CDH18: variants seen among roughly 807,000 people sequenced by gnomAD.
The protein encoded by CDH18 is cadherin-18.
A neutral mutation model predicts 67.9 loss-of-function variants in CDH18; 31 were observed. That is an observed-to-expected ratio of 0.46 (90% CI 0.34 to 0.62). CDH18 has a LOEUF of 0.62. CDH18 is among the 20% of genes least tolerant of loss of function. The pLI, the probability that CDH18 is intolerant of heterozygous loss-of-function variation, is 0.01. For synonymous variants in CDH18, 362 were observed against 347.2 expected, an observed-to-expected ratio of 1.04 and a Z score of -0.48; for missense variants, 890 against 975.5, an observed-to-expected ratio of 0.91 and a Z score of 1.17.
At chr5:19,938,926 A>C in intron 2 of CDH18, among the ~76,000 whole-genome samples, 1 of 151,320 alleles carries the variant, frequency 6.6e-6, no homozygotes, top group Non-Finnish European at 1.5e-5. Flanking sequence ...AATGTATTTA[A>C]TATAAATTCA....
intron 2 of CDH18, among the ~76,000 whole-genome samples, chr5:20,109,074 T>G (rs1747233112): frequency 6.6e-6 from 1 of 152,226 alleles, no homozygotes. Flanking sequence ...AGCTTTGCTG[T>G]GCTTAATACT....
intron 2 of CDH18, among the ~76,000 whole-genome samples, chr5:19,845,939 T>G (rs1782894424): frequency 6.6e-6 from 1 of 152,000 alleles, no homozygotes; most frequent in Non-Finnish European, 1.5e-5. Context: ...GCATATAATG[T>G]GAGCTTATTT....
intron 5 of CDH18, among the ~76,000 whole-genome samples, chr5:19,709,250 C>T (rs929884283): frequency 4.6e-5 from 7 of 151,976 alleles, no homozygotes; most frequent in Admixed American, 2.0e-4. Flanking sequence ...AGGATGGGAG[C>T]TTGAGACATT....
intron 2 of CDH18, among the ~76,000 whole-genome samples, chr5:19,903,037 T>A (rs2150117429): frequency 6.6e-6 from 1 of 152,040 alleles, no homozygotes; most frequent in Admixed American, 6.6e-5. Context: ...TTATTTAATT[T>A]AAATAATTAT....
intron 1 of CDH18, among the ~76,000 whole-genome samples, chr5:20,360,445 T>A (rs904649937): frequency 3.9e-5 from 6 of 152,190 alleles, no homozygotes; most frequent in Non-Finnish European, 8.8e-5. Context: ...CTCTTGGCTT[T>A]GGCACATTAG....
intron 1 of CDH18, among the ~76,000 whole-genome samples, chr5:20,386,523 C>G (rs1580878741): frequency 6.6e-6 from 1 of 152,062 alleles, no homozygotes; most frequent in South Asian, 2.1e-4. Context: ...CATATAATAA[C>G]ATTACTAATA....
At chr5:19,740,898 G>T (rs1366819334) in intron 4 of CDH18, among the ~76,000 whole-genome samples, 1 of 151,900 alleles carries the variant, frequency 6.6e-6, no homozygotes, top group Non-Finnish European at 1.5e-5. Flanking sequence ...ATAGAAGTTG[G>T]TAAAGATCAA....
chr5:20,529,373 A>T (rs62352728), intron 1 of CDH18, among the ~76,000 whole-genome samples: 3 of 151,474 alleles, frequency 2.0e-5, no homozygotes, highest in East Asian at 1.9e-4. Context: ...AGAATCGAAA[A>T]GGGGAACTCC....
Position 20,066,704 on chromosome 5 carries a change from T to G in CDH18, c.-517-74690A>C, listed in dbSNP as rs115464050. On this transcript the variant is annotated intron_variant, in intron 2 of 14. Coordinates refer to the CDH18 transcript ENST00000507958. ...CTTTAAAAGCCACAGTAAGAAAAAG[T>G]AGGTATATAGACTTAAGCCTGGCAA... Among the ~76,000 whole-genome samples the G allele has an allele frequency of 9.1e-3, 1,384 of 152,038 alleles. 10 individuals carry two copies. Among genetic ancestry groups the G allele is most frequent in the Non-Finnish European group, 0.014 (967 of 67,910 alleles).
intron 1 of CDH18, among the ~76,000 whole-genome samples, chr5:20,344,281 T>C (rs541156324): frequency 6.6e-6 from 1 of 152,200 alleles, no homozygotes; most frequent in Admixed American, 6.5e-5. Context: ...GAAATTTGCC[T>C]TAAAATTAAT....
rs1355152085 is a variant in CDH18, at chr5:20,219,518, A to T, written c.-518+35926T>A. Among the ~76,000 whole-genome samples, 5 of 14,596 alleles carry T rather than the reference A, an allele frequency of 3.4e-4. No individual in the cohort carries two copies. The African/African-American group carries it at 4.8e-3, about 14-fold the overall frequency. 9.6% of individuals were successfully genotyped at this position (14,596 alleles called of 152,430 possible). A position where few individuals can be genotyped will look rare whatever the true frequency, so the allele number is the denominator to read the frequency against. Reference sequence around the variant, plus strand: ...CTGATACTAAAACTAAAGACATGTCAAAAAAAAAAAAAGAAAAAAACAAAT... The same window carrying T: ...CTGATACTAAAACTAAAGACATGTCTAAAAAAAAAAAAGAAAAAAACAAAT... On this transcript the variant is annotated intron_variant, in intron 2 of 14. Coordinates refer to the CDH18 transcript ENST00000507958.
intron 1 of CDH18, among the ~76,000 whole-genome samples, chr5:20,407,722 ATTT>A (rs76065305): frequency 0.47 from 70,283 of 149,390 alleles, 18,090 homozygotes; most frequent in Middle Eastern, 0.61. Context: ...AAAAAAAATA[ATTT>A]TTTTTTTTAA....
chr5:19,851,051 T>C (rs1430899042), intron 2 of CDH18, among the ~76,000 whole-genome samples: 2 of 151,854 alleles, frequency 1.3e-5, no homozygotes, highest in African/African-American at 2.4e-5. Flanking sequence ...GGTATAACTT[T>C]GTTGAATATT....
chr5:19,946,348 T>C (rs532205983), intron 2 of CDH18, among the ~76,000 whole-genome samples: 1 of 152,122 alleles, frequency 6.6e-6, no homozygotes, highest in East Asian at 1.9e-4. Context: ...CATTAAATCA[T>C]AGCTAAAGGA....
At chr5:20,332,219 T>C (rs1386667388) in intron 1 of CDH18, among the ~76,000 whole-genome samples, 2 of 152,242 alleles carry the variant, frequency 1.3e-5, no homozygotes, top group African/African-American at 4.8e-5. Flanking sequence ...TACTTCTTCA[T>C]ATTTGGTCCC....
chr5:19,675,121 C>T (rs1266231748), intron 5 of CDH18, among the ~76,000 whole-genome samples: 1 of 151,898 alleles, frequency 6.6e-6, no homozygotes. Flanking sequence ...TAGTGATTTT[C>T]AAAAGGGGAG....
intron 1 of CDH18, among the ~76,000 whole-genome samples, chr5:20,425,789 A>G (rs889027000): frequency 6.6e-6 from 1 of 151,118 alleles, no homozygotes; most frequent in Non-Finnish European, 1.5e-5. Flanking sequence ...AAATTCAGCC[A>G]TACATATTAA....
rs981947810 is a variant in CDH18 at position 19,960,662 on chromosome 5, T to C, written c.-257+20398A>G. On this transcript the variant is annotated intron_variant, in intron 2 of 12. Transcript: ENST00000382275. Reference sequence around the variant, plus strand: ...ATACATATACACGTGTATATATATATACACATGTATATATATGTATACATA... The same window carrying C: ...ATACATATACACGTGTATATATATACACACATGTATATATATGTATACATA... Among the ~76,000 whole-genome samples the C allele has an allele frequency of 5.4e-4, 70 of 130,138 alleles. 2 individuals are homozygous for C. The highest frequency in any genetic ancestry group is 2.3e-3 in the African/African-American group (61 of 26,498). The allele number at this position is 130,138 out of a possible 152,430, so 85.4% of individuals were successfully genotyped here. A position where few individuals can be genotyped will look rare whatever the true frequency, so the allele number is the denominator to read the frequency against.
Position 20,020,653 on chromosome 5 carries a change from T to G in CDH18, c.-517-28639A>C, listed in dbSNP as rs146504166. Among the ~76,000 whole-genome samples, 42 of 152,246 alleles carry G rather than the reference T, an allele frequency of 2.8e-4. 1 individual carries two copies. The East Asian group carries it at 6.2e-3, about 22-fold the overall frequency. On this transcript the variant is annotated intron_variant, in intron 2 of 14. Coordinates refer to the CDH18 transcript ENST00000507958. ...CCACATAGTGTTAAGCCTCTGGGTG[T>G]GCCGGGGCCAAGGGTTGAGGCTTGG... is the stretch of plus-strand genomic sequence containing the variant.
Sources: gnomAD v4.1 joint callset for allele counts (sites outside exome capture counted in the v4.1 genomes callset) on GRCh38, gnomAD v4.1.1 for gene constraint, MANE v1.5 for transcripts, NCBI Gene and HGNC (gene_info 2026-07-23, HGNC 2026-07-21) for gene names.